COL14A1: variants seen among roughly 807,000 people sequenced by gnomAD.
The protein encoded by COL14A1 is collagen alpha-1(XIV) chain.
A neutral mutation model predicts 230.3 loss-of-function variants in COL14A1; 136 were observed. The ratio of observed to expected loss-of-function variants is 0.59; its 90% confidence interval spans 0.51 to 0.68. The LOEUF (loss-of-function observed/expected upper bound fraction) is 0.68. COL14A1 is among the 30% of genes least tolerant of loss of function. COL14A1 has a pLI of 0.00. For missense variants in COL14A1, 1,976 were observed against 2,215.8 expected (o/e 0.89, Z 2.17); for synonymous variants, 792 against 784.1 (o/e 1.01, Z -0.17).
intron 5 of COL14A1, among the ~76,000 whole-genome samples, chr8:120,170,246 T>G (rs1026186717): frequency 3.9e-5 from 6 of 151,978 alleles, no homozygotes; most frequent in Admixed American, 6.6e-5. Flanking sequence ...GAGTTGAGTG[T>G]TTATCCCTTA....
At chr8:120,166,944 G>A (rs1208257622) in intron 4 of COL14A1, among the ~76,000 whole-genome samples, 2 of 149,582 alleles carry the variant, frequency 1.3e-5, no homozygotes, top group African/African-American at 2.5e-5. Context: ...GGTGGTGGTG[G>A]GGGTGCTCCA....
chr8:120,334,655 G>T (rs1278035394), intron 42 of COL14A1, among the ~76,000 whole-genome samples: 2 of 149,376 alleles, frequency 1.3e-5, no homozygotes, highest in African/African-American at 2.5e-5. Flanking sequence ...TTATCTATTC[G>T]TTTGATTCTA....
In COL14A1 at chr8:120,193,946, A is replaced by C. The variant is rs748308565; in HGVS notation, c.437-2845A>C. ...GGAGTGACCCGGTTTTCCAGGTGCC[A>C]TCTGTCACCCCTTTCTTTGACTAGG... On this transcript the variant is annotated intron_variant, in intron 5 of 47. Transcript: ENST00000297848. Among the ~76,000 whole-genome samples the C allele has an allele frequency of 3.9e-5, 6 of 152,128 alleles. No individual in the cohort carries two copies. The East Asian group carries it at 5.8e-4, about 15-fold the overall frequency.
At position 120,297,546 on chromosome 8, in the gene COL14A1, A is replaced by G. The variant is rs1400795543; in HGVS notation, c.4272A>G (p.Thr1424=). ...QLQMFDIVCS[T]SWANTDKCCE... ...AGATGTTTGATATTGTTTGCTCCACATCATGGGCCAATACAGACAAATGCT... is the reference window on the plus strand; with the variant it reads ...AGATGTTTGATATTGTTTGCTCCACGTCATGGGCCAATACAGACAAATGCT... The change falls in exon 35 of 48, where the codon ACA becomes ACG. Residue 1424 remains threonine, a synonymous_variant. Coordinates refer to ENST00000297848, the MANE Select transcript of COL14A1 (RefSeq NM_021110.4). 27 of 1,463,354 alleles carry G rather than the reference A, an allele frequency of 1.8e-5. No individual in the cohort carries two copies. Among genetic ancestry groups the G allele is most frequent in the Admixed American group, 7.1e-5 (3 of 42,488 alleles). 90.6% of individuals were successfully genotyped at this position (1,463,354 alleles called of 1,614,324 possible).
At chr8:120,267,069 C>T (rs567148059) in intron 25 of COL14A1, 186 bp downstream of exon 25, 57 of 560,002 alleles carry the variant, frequency 1.0e-4, no homozygotes, top group Middle Eastern at 4.7e-4. Flanking sequence ...CAATTCTGCA[C>T]ACAAAGAGTG....
At chr8:120,172,951 A>T (rs1816143198) in intron 5 of COL14A1, among the ~76,000 whole-genome samples, 1 of 152,202 alleles carries the variant, frequency 6.6e-6, no homozygotes. Flanking sequence ...CCCTTGCAGT[A>T]AGTAAGTAGC....
At chr8:120,278,363 C>A (rs985935374) in intron 27 of COL14A1, 72 bp from the exon 28 acceptor site, 3 of 1,550,118 alleles carry the variant, frequency 1.9e-6, no homozygotes, top group East Asian at 2.3e-5. Flanking sequence ...GAACTTTGTT[C>A]CCACCCTTTC....
At chr8:120,203,021 T>TATATA (rs61499035) in intron 8 of COL14A1, among the ~76,000 whole-genome samples, 13 of 141,602 alleles carry the variant, frequency 9.2e-5, no homozygotes, top group African/African-American at 2.0e-4. Flanking sequence ...TATATATATA[T>TATATA]TTGTTCTAGC....
In COL14A1 at chr8:120,196,837, C is replaced by T. The variant is rs556415250; in HGVS notation, c.483C>T (p.Ile161=). Residue 161 remains isoleucine, a synonymous_variant, in exon 6 of 48, where the codon ATC becomes ATT. Coordinates refer to ENST00000297848, the MANE Select transcript of COL14A1 (RefSeq NM_021110.4). ...CTCCAGCAATTGCTGACATTGTAAT[C>T]CTGGTCGATGGTTCATGGAGTATTG... ...CQTPAIADIV[I]LVDGSWSIGR... 32 of 1,613,992 alleles carry T rather than the reference C, an allele frequency of 2.0e-5. No homozygotes were observed. In the Middle Eastern group the frequency reaches 1.3e-3, roughly 67 times the overall value.
intron 40 of COL14A1, among the ~76,000 whole-genome samples, chr8:120,323,013 C>T (rs958140087): frequency 6.6e-6 from 1 of 152,208 alleles, no homozygotes; most frequent in Admixed American, 6.5e-5. Context: ...GTTTACACTC[C>T]CACCAATAGT....
At chr8:120,206,277 T>A (rs1458783940) in intron 9 of COL14A1, among the ~76,000 whole-genome samples, 2 of 152,162 alleles carry the variant, frequency 1.3e-5, no homozygotes, top group Admixed American at 1.3e-4. Flanking sequence ...GAGAAGTAGA[T>A]GAGATAAAAA....
At chr8:120,283,061 G>A (rs1820088337) in intron 31 of COL14A1, among the ~76,000 whole-genome samples, 1 of 152,048 alleles carries the variant, frequency 6.6e-6, no homozygotes, top group South Asian at 2.1e-4. Flanking sequence ...CTTGGGAGAG[G>A]CATCCTTTTT....
At chr8:120,234,353 A>T (rs1399970240) in intron 19 of COL14A1, among the ~76,000 whole-genome samples, 1 of 152,122 alleles carries the variant, frequency 6.6e-6, no homozygotes, top group South Asian at 2.1e-4. Flanking sequence ...TACTATGTTG[A>T]ATAGGAGTGG....
chr8:120,212,340 C>A, intron 12 of COL14A1, 108 bp from the exon 13 acceptor site: 1 of 1,081,700 alleles, frequency 9.2e-7, no homozygotes, highest in Non-Finnish European at 1.3e-6. Context: ...GGGGTTGTAA[C>A]AGGACGTAAA....
chr8:120,208,445 A>G (rs1401998115), intron 11 of COL14A1, 84 bp downstream of exon 11: 1 of 1,412,420 alleles, frequency 7.1e-7, no homozygotes, highest in African/African-American at 1.4e-5. Flanking sequence ...TGCTCAGGTC[A>G]TGTTGATAGA....
In COL14A1 at chr8:120,314,013, A is replaced by T. The variant is rs1462728844; in HGVS notation, c.4537A>T (p.Ile1513Phe). ...ACCTCAAGGACCAAGTGGTCTGTCC[A>T]TTCAAGGAATGCCCGTGAGTTGTGT... ...PGPQGPSGLS[I>F]QGMPGMPGEK... Residue 1513 changes from isoleucine to phenylalanine, a missense_variant, in exon 38 of 48, where the codon ATT (isoleucine) becomes TTT (phenylalanine). By Grantham distance (21) the Ile-to-Phe change is conservative. This residue lies in a region of COL14A1 where 1,791 missense variants were observed against 2,019.5 expected (regional missense o/e 0.89). Transcript: ENST00000297848. 6.2e-7 allele frequency: 1 copy of T among 1,609,772 alleles called. No homozygotes were observed. The highest frequency in any genetic ancestry group is 1.1e-5 in the South Asian group (1 of 90,286).
At position 120,158,168 on chromosome 8, in the gene COL14A1, C is replaced by T. The variant is rs1335891540; in HGVS notation, c.127C>T (p.His43Tyr). The T allele has an allele frequency of 6.2e-7, 1 of 1,607,484 alleles. No homozygotes were observed. The highest frequency in any genetic ancestry group is 8.5e-7 in the Non-Finnish European group (1 of 1,176,310). ...PTRLRYNVIS[H>Y]DSIQISWKAP... ...AAGGTTAAGATATAATGTAATATCTCATGACAGTATACAGATTTCATGGAA... is the reference window on the plus strand; with the variant it reads ...AAGGTTAAGATATAATGTAATATCTTATGACAGTATACAGATTTCATGGAA... The change falls in exon 3 of 48, where the codon CAT (histidine) becomes TAT (tyrosine). Residue 43 changes from histidine to tyrosine, a missense_variant. Physicochemically the swap from His to Tyr is moderately conservative, Grantham distance 83. Coordinates refer to ENST00000297848, the MANE Select transcript of COL14A1 (RefSeq NM_021110.4).
At chr8:120,278,035 G>A (rs1819907417) in intron 26 of COL14A1, 76 bp from the exon 27 acceptor site, 2 of 1,276,432 alleles carry the variant, frequency 1.6e-6, no homozygotes, top group Admixed American at 2.7e-5. Context: ...AAAACTACAG[G>A]TGACACTGTG....
At chr8:120,173,694 CTATT>C (rs772907536) in intron 5 of COL14A1, among the ~76,000 whole-genome samples, 3 of 144,598 alleles carry the variant, frequency 2.1e-5, no homozygotes, top group Non-Finnish European at 3.0e-5. Flanking sequence ...ATCTATCTAT[CTATT>C]TTACTGCATC....
Sources: allele counts gnomAD v4.1 joint callset (sites outside exome capture counted in the v4.1 genomes callset), GRCh38; gene constraint gnomAD v4.1.1; regional missense constraint gnomAD v4.1.1; transcripts MANE v1.5; gene names NCBI Gene and HGNC (gene_info 2026-07-23, HGNC 2026-07-21).